The following NDUFAF6 variants were observed in gnomAD, a reference collection of about 807,000 sequenced individuals.
The protein encoded by NDUFAF6 is NADH:ubiquinone oxidoreductase complex assembly factor 6, also known as NADH dehydrogenase (ubiquinone) complex I, assembly factor 6.
NDUFAF6 carries 45 observed loss-of-function variants against 40.8 expected under a neutral mutation model. That is an observed-to-expected ratio of 1.10 (90% CI 0.87 to 1.42). The LOEUF (loss-of-function observed/expected upper bound fraction) is 1.42, where lower values mean the gene tolerates loss of function less well. Ranked by LOEUF, NDUFAF6 falls within the 40% of genes most tolerant of loss-of-function variation. The probability of loss-of-function intolerance (pLI) is 0.00; values close to 1 mark genes in which losing one functional copy is unlikely to be tolerated. For synonymous variants in NDUFAF6, 185 were observed against 155.9 expected (o/e 1.19, Z -1.39); for missense variants, 435 against 418.5 (o/e 1.04, Z -0.34).
chr8:95,012,273 A>G (rs935787355), intron 2 of NDUFAF6, among the ~76,000 whole-genome samples: 33 of 151,562 alleles, frequency 2.2e-4, no homozygotes, highest in Admixed American at 1.7e-3. Flanking sequence ...GCTTTGTAAA[A>G]CCCTTATGTA....
At position 95,045,623 on chromosome 8, in the gene NDUFAF6, C is replaced by T. The variant is rs1563825799; in HGVS notation, c.556C>T (p.Leu186Phe). 3.1e-6 allele frequency: 5 copies of T among 1,612,630 alleles called. No homozygotes were observed. The South Asian group carries it at 3.3e-5, about 11-fold the overall frequency. ...TGCTGAAAACACACAGAGCTCTCTT[C>T]TTTACTTAACACTAGAAATATTGGG... Reference protein sequence around the residue: ...NYAENTQSSLLYLTLEILGIK... With the variant: ...NYAENTQSSLFYLTLEILGIK... Residue 186 changes from leucine to phenylalanine, a missense_variant, in exon 5 of 9, where the codon CTT becomes TTT. Leu to Phe is a conservative substitution (Grantham distance 22). Coordinates refer to ENST00000396124, the MANE Select transcript of NDUFAF6 (RefSeq NM_152416.4).
In NDUFAF6 at chr8:95,057,861, T is replaced by G; in HGVS notation, c.926T>G (p.Phe309Cys). ...KKIQRVDFDIFHPSLQQKNTL... is the reference protein window; with the variant it reads ...KKIQRVDFDICHPSLQQKNTL... Reference sequence around the variant, plus strand: ...ATTCAGCGAGTGGATTTTGATATATTCCACCCATCTTTACAGCAGAAGAAT... The same window carrying G: ...ATTCAGCGAGTGGATTTTGATATATGCCACCCATCTTTACAGCAGAAGAAT... Residue 309 changes from phenylalanine (F) to cysteine (C), a missense_variant, in exon 9 of 9, where the codon TTC becomes TGC. Transcript: ENST00000396124. 1 of 1,610,416 alleles carries G rather than the reference T, an allele frequency of 6.2e-7. No homozygotes were observed. The highest frequency in any genetic ancestry group is 8.5e-7 in the Non-Finnish European group (1 of 1,176,856).
intron 2 of NDUFAF6, among the ~76,000 whole-genome samples, chr8:94,998,215 G>C (rs952045081): frequency 6.6e-6 from 1 of 152,104 alleles, no homozygotes; most frequent in African/African-American, 2.4e-5. Context: ...TATTTTGGAG[G>C]AATATTTATT....
intron 1 of NDUFAF6, among the ~76,000 whole-genome samples, chr8:94,939,529 G>C (rs1174859594): frequency 6.6e-6 from 1 of 152,114 alleles, no homozygotes; most frequent in Non-Finnish European, 1.5e-5. Context: ...CTGAGTAGCT[G>C]GGACTACAGG....
chr8:94,980,442 G>GTTTTTTT (rs869184585), intron 1 of NDUFAF6, among the ~76,000 whole-genome samples: 8 of 107,902 alleles, frequency 7.4e-5, no homozygotes, highest in East Asian at 2.8e-4. Flanking sequence ...TGGTTTTTTT[G>GTTTTTTT]TTTTTTTTTT....
At chr8:94,962,631 G>C (rs1236678781) in intron 1 of NDUFAF6, among the ~76,000 whole-genome samples, 1 of 126,560 alleles carries the variant, frequency 7.9e-6, no homozygotes, top group Middle Eastern at 4.1e-3. Flanking sequence ...TTTTTTTTTT[G>C]AGACAATGTC....
intron 1 of NDUFAF6, among the ~76,000 whole-genome samples, chr8:94,979,016 G>C (rs1825193956): frequency 6.6e-6 from 1 of 152,138 alleles, no homozygotes; most frequent in African/African-American, 2.4e-5. Context: ...GGTAGAATAA[G>C]CCCTGAGACA....
intron 1 of NDUFAF6, among the ~76,000 whole-genome samples, chr8:94,944,879 C>T (rs536357025): frequency 6.6e-6 from 1 of 152,196 alleles, no homozygotes; most frequent in South Asian, 2.1e-4. Flanking sequence ...ACTTCTAGCA[C>T]AAAAAAGTGA....
intron 1 of NDUFAF6, among the ~76,000 whole-genome samples, chr8:94,932,621 G>C (rs1437059075): frequency 3.9e-5 from 6 of 152,222 alleles, no homozygotes; most frequent in African/African-American, 1.4e-4. Context: ...GGCTAAAACA[G>C]TGAAACCCCG....
upstream of NDUFAF6, among the ~76,000 whole-genome samples, chr8:95,096,634 A>G (rs1809472741): frequency 6.6e-6 from 1 of 152,218 alleles, no homozygotes; most frequent in Non-Finnish European, 1.5e-5. Context: ...AGTAGAGGAG[A>G]CTGAATTCAT....
intron 1 of NDUFAF6, chr8:94,929,529 T>C (rs1820194356): frequency 6.6e-6 from 1 of 152,010 alleles, no homozygotes; most frequent in Non-Finnish European, 1.5e-5. Context: ...CAGGACAGGC[T>C]CCATGACAGA....
At chr8:94,992,410 C>T (rs1233104247) in intron 2 of NDUFAF6, among the ~76,000 whole-genome samples, 1 of 152,094 alleles carries the variant, frequency 6.6e-6, no homozygotes, top group Non-Finnish European at 1.5e-5. Flanking sequence ...TCACTTGAAC[C>T]TGGGAGGTGG....
intron 2 of NDUFAF6, among the ~76,000 whole-genome samples, chr8:95,102,172 T>C (rs1405519765): frequency 6.6e-6 from 1 of 152,066 alleles, no homozygotes. Context: ...CTTTTGTATT[T>C]GTACTAGAGT....
At chr8:94,930,492 T>C in intron 1 of NDUFAF6, 1 of 1,614,250 alleles carries the variant, frequency 6.2e-7, no homozygotes, top group Non-Finnish European at 8.5e-7. Flanking sequence ...GTAATTGTAC[T>C]GACGCGGGCA....
intron 1 of NDUFAF6, among the ~76,000 whole-genome samples, chr8:95,025,600 C>A (rs1828017050): frequency 6.6e-6 from 1 of 152,194 alleles, no homozygotes. Flanking sequence ...AATTAGTCTT[C>A]ATTACAAGTT....
chr8:94,993,550 C>T (rs1826284618), intron 2 of NDUFAF6, among the ~76,000 whole-genome samples: 1 of 152,180 alleles, frequency 6.6e-6, no homozygotes, highest in African/African-American at 2.4e-5. Context: ...CTGAGACCAC[C>T]ATATAGGGAT....
chr8:95,002,764 T>G (rs1429976589), intron 2 of NDUFAF6, among the ~76,000 whole-genome samples: 2 of 152,212 alleles, frequency 1.3e-5, no homozygotes, highest in Non-Finnish European at 2.9e-5. Context: ...CACATGTATT[T>G]GTCGAGACCC....
At chr8:95,114,171 C>CAAACAAAT (rs1810077942) in intron 4 of NDUFAF6, among the ~76,000 whole-genome samples, 1 of 151,798 alleles carries the variant, frequency 6.6e-6, no homozygotes, top group Non-Finnish European at 1.5e-5. Context: ...ATAAAACAAA[C>CAAACAAAT]AAACAAAAAA....
intron 1 of NDUFAF6, among the ~76,000 whole-genome samples, chr8:94,962,107 A>G (rs1338439037): frequency 6.6e-6 from 1 of 152,220 alleles, no homozygotes; most frequent in Non-Finnish European, 1.5e-5. Flanking sequence ...GTCTTCTAGG[A>G]CAACTGTGCT....
Sources: allele counts gnomAD v4.1 joint callset (sites outside exome capture counted in the v4.1 genomes callset), GRCh38; gene constraint gnomAD v4.1.1; transcripts MANE v1.5; gene names NCBI Gene and HGNC (gene_info 2026-07-23, HGNC 2026-07-21).